The following USP34 variants were observed in gnomAD, a reference collection of about 807,000 sequenced individuals.
The protein encoded by USP34 is ubiquitin specific peptidase 34.
A neutral mutation model predicts 460.3 loss-of-function variants in USP34; 70 were observed. That is an observed-to-expected ratio of 0.15 (90% CI 0.13 to 0.19). The LOEUF is 0.19. Among genes scored for constraint, USP34 ranks in the 10% least tolerant of loss-of-function variants. The pLI, the probability that USP34 is intolerant of heterozygous loss-of-function variation, is 1.00. For synonymous variants in USP34, 1,647 were observed against 1,405.3 expected (o/e 1.17, Z -3.85); for missense variants, 3,985 against 4,236.2 (o/e 0.94, Z 1.65).
intron 16 of USP34, among the ~76,000 whole-genome samples, chr2:61,343,340 C>T (rs1339511011): frequency 1.3e-5 from 2 of 152,072 alleles, no homozygotes; most frequent in African/African-American, 4.8e-5. Context: ...TAGACTTGAA[C>T]AATCATTTCT....
At chr2:61,418,756 C>T (rs1694273136) in intron 2 of USP34, among the ~76,000 whole-genome samples, 2 of 152,202 alleles carry the variant, frequency 1.3e-5, no homozygotes, top group African/African-American at 2.4e-5. Context: ...TGTGATCTAA[C>T]TATTTTTACC....
Position 61,370,377 on chromosome 2 carries a change from C to A in USP34, c.1195G>T (p.Ala399Ser). ...KQCQVILNFL[A>S]AEGRLSTQHI... ...TGAGTACTCAGTCGCCCTTCTGCTG[C>A]CAAAAAATTCAAAATCACTTGGCAC... The change falls in exon 10 of 80, where the codon GCA becomes TCA. Residue 399 changes from alanine to serine, a missense_variant. This residue lies in a region of USP34 where 716 missense variants were observed against 626.2 expected (regional missense o/e 1.14). Coordinates refer to ENST00000398571, the MANE Select transcript of USP34 (RefSeq NM_014709.4). 1 of 1,613,986 alleles carries A rather than the reference C, an allele frequency of 6.2e-7. No homozygotes were observed. The highest frequency in any genetic ancestry group is 1.7e-4 in the Middle Eastern group (1 of 6,060).
At chr2:61,213,406 T>C (rs1325888666) in intron 68 of USP34, among the ~76,000 whole-genome samples, 1 of 152,130 alleles carries the variant, frequency 6.6e-6, no homozygotes, top group Non-Finnish European at 1.5e-5. Flanking sequence ...AAAGACCGTC[T>C]ATAAAGGACG....
chr2:61,188,516 A>G lies in USP34; in HGVS notation c.10227T>C (p.Asn3409=), dbSNP rs975037228. 4 of 1,614,052 alleles carry G rather than the reference A, an allele frequency of 2.5e-6. No individual in the cohort carries two copies. Among genetic ancestry groups the G allele is most frequent in the Admixed American group, 3.3e-5 (2 of 60,000 alleles). The change falls in exon 80 of 80, where the codon AAT becomes AAC. Residue 3409 remains asparagine (N), a synonymous_variant. Transcript: ENST00000398571. ...CCATTCGGTATTCTTTAACAGAACTATTTTCAGGGGAAGGAAGATCTTGCT... is the reference window on the plus strand; with the variant it reads ...CCATTCGGTATTCTTTAACAGAACTGTTTTCAGGGGAAGGAAGATCTTGCT... The part of the protein sequence containing the change: ...GTEQDLPSPE[N]SSVKEYRMEV...
chr2:61,384,019 G>A (rs531029299), intron 5 of USP34, among the ~76,000 whole-genome samples: 20 of 151,976 alleles, frequency 1.3e-4, no homozygotes, highest in Non-Finnish European at 2.2e-4. Flanking sequence ...TTAATAAACC[G>A]TATTAGTTTT....
At chr2:61,194,290 T>C in intron 75 of USP34, 1 of 985,454 alleles carries the variant, frequency 1.0e-6, no homozygotes, top group Non-Finnish European at 1.2e-6. Context: ...GGTTGGTGTT[T>C]GGCAGCATAT....
At chr2:61,431,943 A>G (rs1260561136) in intron 1 of USP34, among the ~76,000 whole-genome samples, 1 of 152,192 alleles carries the variant, frequency 6.6e-6, no homozygotes, top group Non-Finnish European at 1.5e-5. Context: ...TGAGATAACA[A>G]TAATTACCCC....
intron 1 of USP34, among the ~76,000 whole-genome samples, chr2:61,437,654 T>C (rs1011006861): frequency 2.0e-5 from 3 of 151,954 alleles, no homozygotes; most frequent in Admixed American, 1.3e-4. Context: ...GCACCTGCAG[T>C]CCCAGCTAGT....
At chr2:61,213,617 C>T (rs1270517069) in intron 68 of USP34, among the ~76,000 whole-genome samples, 1 of 152,110 alleles carries the variant, frequency 6.6e-6, no homozygotes, top group Admixed American at 6.5e-5. Flanking sequence ...TGTTTGGATG[C>T]AGCTTGAGAA....
chr2:61,220,083 T>C (rs1034697280), intron 67 of USP34: 1 of 395,798 alleles, frequency 2.5e-6, no homozygotes, highest in African/African-American at 2.1e-5. Context: ...TTATCACTCT[T>C]ATCAAGCAAG....
At chr2:61,283,549 C>G in intron 35 of USP34, 100 bp from the exon 36 acceptor site, 3 of 1,302,698 alleles carry the variant, frequency 2.3e-6, no homozygotes, top group Non-Finnish European at 3.2e-6. Context: ...CACTTCCCCC[C>G]CAAAAAAGGA....
In USP34 at chr2:61,350,838, T is replaced by C. The variant is rs186159057; in HGVS notation, c.1252-145A>G. 1.1e-5 allele frequency: 8 copies of C among 753,716 alleles called. 1 individual carries two copies. The highest frequency in any genetic ancestry group is 8.8e-5 in the South Asian group (4 of 45,204). The allele number at this position is 753,716 out of a possible 1,614,324, so 46.7% of individuals were successfully genotyped here. On this transcript the variant is annotated intron_variant, in intron 10 of 79. Transcript: ENST00000398571. Reference sequence around the variant, plus strand: ...ACGGTAAAATGCTAATTATCTAAGATGATGAATGGCAGTGCATAAAACAGT... The same window carrying C: ...ACGGTAAAATGCTAATTATCTAAGACGATGAATGGCAGTGCATAAAACAGT...
At chr2:61,436,615 C>T (rs1277779837) in intron 1 of USP34, among the ~76,000 whole-genome samples, 1 of 152,194 alleles carries the variant, frequency 6.6e-6, no homozygotes, top group Admixed American at 6.5e-5. Context: ...GGGACTTCAA[C>T]AGCACTGGAC....
At chr2:61,385,454 G>T (rs191680841) in intron 5 of USP34, among the ~76,000 whole-genome samples, 1 of 151,070 alleles carries the variant, frequency 6.6e-6, no homozygotes. Flanking sequence ...GGCGGATCAC[G>T]AGGTCAGGAG....
intron 76 of USP34, chr2:61,191,448 G>C (rs1358516443): frequency 1.3e-5 from 2 of 152,010 alleles, no homozygotes; most frequent in East Asian, 3.8e-4. Context: ...GCTGTCATAA[G>C]TAAATTACTC....
intron 34 of USP34, among the ~76,000 whole-genome samples, chr2:61,286,384 G>A (rs548234319): frequency 2.7e-4 from 41 of 152,128 alleles, no homozygotes; most frequent in South Asian, 1.9e-3. Flanking sequence ...GGCCCAGAGC[G>A]GTGGCTCACA....
chr2:61,188,323 A>T lies in USP34; in HGVS notation c.10420T>A (p.Ser3474Thr). The T allele has an allele frequency of 6.2e-7, 1 of 1,613,624 alleles. No homozygotes were observed. Among genetic ancestry groups the T allele is most frequent in the Non-Finnish European group, 8.5e-7 (1 of 1,180,022 alleles). ...TCAGCTAAGTCAGACAGAACTGCAG[A>T]GATAGAAGTAGAAGGGAACTCAGAT... ...EESEFPSTSI[S>T]AVLSDLADLR... The change falls in exon 80 of 80, where the codon TCT (serine) becomes ACT (threonine). Residue 3474 changes from serine to threonine, a missense_variant. By Grantham distance (58) the Ser-to-Thr change is moderately conservative. Transcript: ENST00000398571.
Position 61,311,558 on chromosome 2 carries a change from G to T in USP34, c.3799C>A (p.Arg1267=), listed in dbSNP as rs375222166. 3.8e-6 allele frequency: 6 copies of T among 1,598,158 alleles called. No homozygotes were observed. The highest frequency in any genetic ancestry group is 4.3e-6 in the Non-Finnish European group (5 of 1,174,140). Residue 1267 remains arginine (R), a synonymous_variant, in exon 27 of 80, where the codon CGA becomes AGA. Transcript: ENST00000398571. ...GGCTTACCAGGAAACTCTCCTTTTC[G>T]GTTGCTTTGACCAAACTCCTGAAGC... is the stretch of plus-strand genomic sequence containing the variant. The part of the protein sequence containing the change: ...AQLQEFGQSN[R]KGEFPGGLMG...
chr2:61,403,093 G>C (rs138491217), intron 3 of USP34, among the ~76,000 whole-genome samples: 1 of 152,214 alleles, frequency 6.6e-6, no homozygotes, highest in African/African-American at 2.4e-5. Context: ...TTGGTATAAG[G>C]AGGTAACTCC....
Sources: gnomAD v4.1 joint callset for allele counts (sites outside exome capture counted in the v4.1 genomes callset) on GRCh38, gnomAD v4.1.1 for gene constraint, gnomAD v4.1.1 regional missense constraint, MANE v1.5 for transcripts, NCBI Gene and HGNC (gene_info 2026-07-23, HGNC 2026-07-21) for gene names.